The following ZFPM1 variants were observed in gnomAD, a reference collection of about 807,000 sequenced individuals.
ZFPM1 encodes the protein zinc finger protein, FOG family member 1.
Under a neutral mutation model 46.3 loss-of-function variants are expected in ZFPM1, and 28 were observed. That is an observed-to-expected ratio of 0.60 (90% confidence interval 0.45 to 0.83). The LOEUF (loss-of-function observed/expected upper bound fraction) is 0.83. Ranked by LOEUF, ZFPM1 falls within the 40% of genes least tolerant of loss-of-function variation. The pLI, the probability that ZFPM1 is intolerant of heterozygous loss-of-function variation, is 0.00. For missense variants in ZFPM1, 1,878 were observed against 1,432.4 expected (o/e 1.31, Z -5.02); for synonymous variants, 957 against 675.9 (o/e 1.42, Z -6.45).
intron 1 of ZFPM1, among the ~76,000 whole-genome samples, chr16:88,464,203 G>C (rs1022103131): frequency 2.2e-4 from 33 of 152,186 alleles, no homozygotes. Context: ...CAAAATTTAA[G>C]GGTGCACTGA....
intron 4 of ZFPM1, among the ~76,000 whole-genome samples, chr16:88,521,228 T>G (rs933844468): frequency 1.3e-5 from 2 of 151,180 alleles, no homozygotes; most frequent in Non-Finnish European, 3.0e-5. Flanking sequence ...CCATGCTGTT[T>G]CCCCCGCCTC....
Position 88,534,025 on chromosome 16 carries a change from C to T in ZFPM1, c.2067C>T (p.Asn689=), listed in dbSNP as rs777810523. 1.5e-6 allele frequency: 2 copies of T among 1,357,034 alleles called. No homozygotes were observed. The highest frequency in any genetic ancestry group is 1.2e-5 in the South Asian group (1 of 81,390). 84.1% of individuals were successfully genotyped at this position (1,357,034 alleles called of 1,614,324 possible). Reference sequence around the variant, plus strand: ...GCCGCACGCTGTGCGAGGCCTGCAACATCCGCTTCAGCCGCCACGAGACCT... The same window carrying T: ...GCCGCACGCTGTGCGAGGCCTGCAATATCCGCTTCAGCCGCCACGAGACCT... ...DPSRTLCEAC[N]IRFSRHETYT... The change falls in exon 10 of 10, where the codon AAC becomes AAT. Residue 689 remains asparagine (N), a synonymous_variant. Transcript: ENST00000319555.
rs73250225 is a variant in ZFPM1, at chr16:88,525,239, G to A, written c.403-1575G>A. Among the ~76,000 whole-genome samples the A allele has an allele frequency of 4.4e-3, 675 of 152,328 alleles. 6 individuals carry two copies. Among genetic ancestry groups the A allele is most frequent in the African/African-American group, 0.015 (632 of 41,570 alleles). On this transcript the variant is annotated intron_variant, in intron 4 of 9. Transcript: ENST00000319555. Reference sequence around the variant, plus strand: ...CTGGGACCCCACTGCCCACCTCTGCGGCCCACAGGGTCCCACGCGTGCTGG... The same window carrying A: ...CTGGGACCCCACTGCCCACCTCTGCAGCCCACAGGGTCCCACGCGTGCTGG...
intron 3 of ZFPM1, among the ~76,000 whole-genome samples, chr16:88,507,308 C>A (rs1290444343): frequency 1.3e-5 from 2 of 152,200 alleles, no homozygotes; most frequent in African/African-American, 4.8e-5. Flanking sequence ...CCCTCAGCAC[C>A]ATGTCCCCGC....
chr16:88,463,701 C>A (rs190298657), intron 1 of ZFPM1, among the ~76,000 whole-genome samples: 1 of 152,336 alleles, frequency 6.6e-6, no homozygotes, highest in Admixed American at 6.5e-5. Context: ...GAGGAGGGAA[C>A]GAGAGGAGGG....
In ZFPM1 at chr16:88,532,525, C is replaced by G. The variant is rs1367090544; in HGVS notation, c.947-89C>G. 4.4e-6 allele frequency: 6 copies of G among 1,364,986 alleles called. No homozygotes were observed. In the East Asian group the frequency reaches 1.5e-4, roughly 34 times the overall value. 84.6% of individuals were successfully genotyped at this position (1,364,986 alleles called of 1,614,324 possible). A position where few individuals can be genotyped will look rare whatever the true frequency, so the allele number is the denominator to read the frequency against. ...CAGCACAGGGTCCCCCGGCACAGAT[C>G]ACGGCCCTGGGCCCAGTCGCCTTCC... is the stretch of plus-strand genomic sequence containing the variant. On this transcript the variant is annotated intron_variant, in intron 7 of 9. Coordinates refer to ENST00000319555, the MANE Select transcript of ZFPM1 (RefSeq NM_153813.3).
chr16:88,498,777 G>A (rs536777179), intron 3 of ZFPM1, among the ~76,000 whole-genome samples: 7 of 152,366 alleles, frequency 4.6e-5, no homozygotes, highest in South Asian at 4.1e-4. Flanking sequence ...TTGGGCCTGC[G>A]GCTGCAGAGG....
At chr16:88,485,376 C>T (rs905508565) in intron 1 of ZFPM1, among the ~76,000 whole-genome samples, 2 of 150,178 alleles carry the variant, frequency 1.3e-5, no homozygotes, top group Non-Finnish European at 3.0e-5. Flanking sequence ...TAAGGGTGGG[C>T]GGAGGCGACC....
chr16:88,514,258 G>A (rs946058981), intron 3 of ZFPM1, 129 bp from the exon 4 acceptor site: 35 of 1,452,320 alleles, frequency 2.4e-5, no homozygotes, highest in African/African-American at 2.8e-5. Context: ...GCACCTGCCC[G>A]GCCCCTGCCA....
Position 88,528,252 on chromosome 16 carries a change from T to A in ZFPM1, c.712+14T>A, listed in dbSNP as rs536006331. On this transcript the variant is annotated intron_variant, in intron 6 of 9. Coordinates refer to ENST00000319555, the MANE Select transcript of ZFPM1 (RefSeq NM_153813.3). ...CAGTGATCAACAGTAAGTGCTGGGC[T>A]CTCCGCACCCAGGGCGGCTGCTCCA... 1 of 1,578,058 alleles carries A rather than the reference T, an allele frequency of 6.3e-7. No individual in the cohort carries two copies.
chr16:88,502,870 C>T (rs575042288), intron 3 of ZFPM1, among the ~76,000 whole-genome samples: 2 of 150,872 alleles, frequency 1.3e-5, no homozygotes, highest in South Asian at 2.1e-4. Context: ...CGTGGATGCC[C>T]GTTTGTGGGT....
At chr16:88,453,705 C>A in intron 1 of ZFPM1, 27 bp downstream of exon 1, 1 of 1,181,724 alleles carries the variant, frequency 8.5e-7, no homozygotes, top group Non-Finnish European at 1.1e-6. Flanking sequence ...CCGCGGTCCC[C>A]TCCGCGCGCC....
At chr16:88,457,517 C>T (rs919103630) in intron 1 of ZFPM1, among the ~76,000 whole-genome samples, 6 of 152,214 alleles carry the variant, frequency 3.9e-5, no homozygotes, top group Admixed American at 6.5e-5. Flanking sequence ...CCAGTTGCCT[C>T]GTCCCCAGTC....
At chr16:88,473,729 A>G (rs1908535031) in intron 1 of ZFPM1, among the ~76,000 whole-genome samples, 1 of 151,112 alleles carries the variant, frequency 6.6e-6, no homozygotes, top group Non-Finnish European at 1.5e-5. Flanking sequence ...CCGTGCTGGG[A>G]CCTCTCCTCC....
chr16:88,459,529 TCTC>T (rs1907708771), intron 1 of ZFPM1, among the ~76,000 whole-genome samples: 1 of 128,814 alleles, frequency 7.8e-6, no homozygotes, highest in Non-Finnish European at 1.7e-5. Flanking sequence ...CTCCTACCCT[TCTC>T]CTTCCTCCCC....
chr16:88,479,857 C>A (rs1908852568), intron 1 of ZFPM1, among the ~76,000 whole-genome samples: 1 of 138,154 alleles, frequency 7.2e-6, no homozygotes, highest in East Asian at 2.2e-4. Flanking sequence ...CCCTCCCTCC[C>A]CCCCGCTGCC....
intron 4 of ZFPM1, among the ~76,000 whole-genome samples, chr16:88,517,488 ATGGATG>A (rs1911414226): frequency 7.0e-6 from 1 of 143,098 alleles, no homozygotes. Context: ...GGATGGATGG[ATGGATG>A]GATGGATGGA....
In ZFPM1 at chr16:88,534,841, C is replaced by G. The variant is rs1213019466; in HGVS notation, c.2883C>G (p.Ser961Arg). 1 of 1,556,606 alleles carries G rather than the reference C, an allele frequency of 6.4e-7. No individual in the cohort carries two copies. The highest frequency in any genetic ancestry group is 8.6e-7 in the Non-Finnish European group (1 of 1,158,952). ...SYSDKGVQTPSKGTPAPLPNG... is the reference protein window; with the variant it reads ...SYSDKGVQTPRKGTPAPLPNG... The stretch of plus-strand genomic sequence containing the variant: ...CGGACAAGGGCGTCCAGACTCCCAG[C>G]AAGGGCACGCCGGCGCCGCTGCCCA... Residue 961 changes from serine to arginine, a missense_variant, in exon 10 of 10, where the codon AGC (serine) becomes AGG (arginine). By Grantham distance (110) the Ser-to-Arg change is moderately radical. Coordinates refer to ENST00000319555, the MANE Select transcript of ZFPM1 (RefSeq NM_153813.3).
At chr16:88,493,771 C>A (rs1343937414) in intron 3 of ZFPM1, among the ~76,000 whole-genome samples, 1 of 152,116 alleles carries the variant, frequency 6.6e-6, no homozygotes, top group Non-Finnish European at 1.5e-5. Flanking sequence ...CCCTTCCTGG[C>A]CCTACCTGAT....
Sources: allele counts gnomAD v4.1 joint callset (sites outside exome capture counted in the v4.1 genomes callset), GRCh38; gene constraint gnomAD v4.1.1; transcripts MANE v1.5; gene names NCBI Gene and HGNC (gene_info 2026-07-23, HGNC 2026-07-21).